Variants in PAXIP1 observed in about 807,000 individuals in gnomAD.
PAXIP1 encodes PAX-interacting protein 1.
In PAXIP1, 19 loss-of-function variants were observed where a neutral mutation model predicts 140.6. The observed-to-expected ratio is 0.14, with a 90% confidence interval of 0.09 to 0.20. The LOEUF (loss-of-function observed/expected upper bound fraction) is 0.20, where lower values mean the gene tolerates loss of function less well. Ranked by LOEUF, PAXIP1 falls within the 10% of genes least tolerant of loss-of-function variation. The pLI is 1.00. For synonymous variants in PAXIP1, 442 were observed against 444.6 expected, an observed-to-expected ratio of 0.99 and a Z score of 0.07; for missense variants, 920 against 1,208.6, an observed-to-expected ratio of 0.76 and a Z score of 3.54.
chr7:154,982,352 A>C lies in PAXIP1; in HGVS notation c.438+867T>G, dbSNP rs115015242. Among the ~76,000 whole-genome samples, 722 of 152,110 alleles carry C rather than the reference A, an allele frequency of 4.7e-3. 8 individuals carry two copies. The highest frequency in any genetic ancestry group is 0.017 in the African/African-American group (695 of 41,520). On this transcript the variant is annotated intron_variant, in intron 5 of 20. Coordinates refer to ENST00000404141, the MANE Select transcript of PAXIP1 (RefSeq NM_007349.4). Reference sequence around the variant, plus strand: ...TCTGGGAAGAGGCTGGACAGACTGCATTTCTTTTTGTTTTTTTGAGACAGA... The same window carrying C: ...TCTGGGAAGAGGCTGGACAGACTGCCTTTCTTTTTGTTTTTTTGAGACAGA...
chr7:154,985,947 G>A (rs1037513279), intron 4 of PAXIP1: 17 of 1,213,138 alleles, frequency 1.4e-5, no homozygotes, highest in Non-Finnish European at 1.9e-5. Flanking sequence ...GGACTTTTTA[G>A]TCTTCTAGAT....
intron 4 of PAXIP1, chr7:154,983,820 G>A: frequency 6.5e-6 from 1 of 153,826 alleles, no homozygotes; most frequent in Non-Finnish European, 1.4e-5. Context: ...AAATATGGTG[G>A]CTTGTAAGTT....
At chr7:154,959,808 T>G (rs1808678850) in intron 13 of PAXIP1, 82 bp downstream of exon 13, 5 of 903,926 alleles carry the variant, frequency 5.5e-6, no homozygotes, top group Non-Finnish European at 9.0e-6. Context: ...TAAAATAATT[T>G]TTAATTTATG....
chr7:154,980,364 T>C (rs888466583), intron 5 of PAXIP1, among the ~76,000 whole-genome samples: 2 of 151,886 alleles, frequency 1.3e-5, no homozygotes, highest in Non-Finnish European at 2.9e-5. Context: ...AGCCGCTATA[T>C]TGATGACTGT....
chr7:154,969,112 A>G lies in PAXIP1; in HGVS notation c.1089T>C (p.Leu363=). The G allele has an allele frequency of 4.1e-6, 6 of 1,467,418 alleles. No individual in the cohort carries two copies. Among genetic ancestry groups the G allele is most frequent in the Non-Finnish European group, 5.4e-6 (6 of 1,106,074 alleles). 90.9% of individuals were successfully genotyped at this position (1,467,418 alleles called of 1,614,324 possible). A position where few individuals can be genotyped will look rare whatever the true frequency, so the allele number is the denominator to read the frequency against. Residue 363 remains leucine, a synonymous_variant, in exon 7 of 21, where the codon CTT becomes CTC. Coordinates refer to ENST00000404141, the MANE Select transcript of PAXIP1 (RefSeq NM_007349.4). ...PSNVAHILQT[L]SAPTKNLEQQ... ...GTTCTAAATTTTTCGTAGGTGCTGA[A>G]AGAGTCTGTAAGATCTACAAAACAA...
At position 154,946,952 on chromosome 7, in the gene PAXIP1, T is replaced by C; in HGVS notation, c.2923-139A>G. On this transcript the variant is annotated intron_variant, in intron 17 of 20. Transcript: ENST00000404141. The surrounding 1 kb of genome is among the most constrained non-coding windows in gnomAD (Gnocchi z 4.9). The stretch of plus-strand genomic sequence containing the variant: ...CATTATGAAGGTACTATTCTCCTAC[T>C]AGCACTCAATCTGAAGTGGAAGAGG... 6.7e-6 allele frequency: 4 copies of C among 594,934 alleles called. No homozygotes were observed. Among genetic ancestry groups the C allele is most frequent in the Non-Finnish European group, 1.2e-5 (4 of 345,664 alleles). 36.9% of individuals were successfully genotyped at this position (594,934 alleles called of 1,614,324 possible).
chr7:154,999,984 C>G (rs1298368370), intron 1 of PAXIP1: 1 of 152,176 alleles, frequency 6.6e-6, no homozygotes, highest in African/African-American at 2.4e-5. Flanking sequence ...GAACAGTCGA[C>G]AGTCAAGTGC....
At chr7:154,984,341 G>A (rs183434711) in intron 4 of PAXIP1, among the ~76,000 whole-genome samples, 4 of 152,256 alleles carry the variant, frequency 2.6e-5, no homozygotes, top group South Asian at 2.1e-4. Context: ...TCATTTAACC[G>A]AGTAAATTTT....
At chr7:155,000,737 AGATTT>A (rs1219589303) in intron 1 of PAXIP1, 1 of 152,232 alleles carries the variant, frequency 6.6e-6, no homozygotes, top group Admixed American at 6.5e-5. Flanking sequence ...GTATCTTAAT[AGATTT>A]ATCTCATATC....
chr7:154,945,725 A>G (rs1218420733), intron 20 of PAXIP1: 6 of 985,314 alleles, frequency 6.1e-6, no homozygotes, highest in Non-Finnish European at 7.2e-6. Flanking sequence ...GAATTTTCCC[A>G]TAAGGACCTG....
intron 17 of PAXIP1, 108 bp downstream of exon 17, chr7:154,947,795 C>T: frequency 2.5e-6 from 2 of 810,448 alleles, no homozygotes; most frequent in South Asian, 2.8e-5. Flanking sequence ...GCAGGGTGAG[C>T]CCAGCTCCCC....
rs1357506644 is a variant in PAXIP1 at position 154,975,854 on chromosome 7, G to A, written c.916C>T (p.Pro306Ser). The A allele has an allele frequency of 1.9e-6, 3 of 1,613,946 alleles. No individual in the cohort carries two copies. The highest frequency in any genetic ancestry group is 1.3e-5 in the African/African-American group (1 of 75,014). ...VPPVPGNILP[P>S]EVRGNLMAAG... ...GCCATTAAATTACCCCGGACCTCAG[G>A]GGGCAAAATGTTACCTGGGACGGGT... The change falls in exon 6 of 21, where the codon CCT (proline) becomes TCT (serine). Residue 306 changes from proline to serine, a missense_variant. By Grantham distance (74) the Pro-to-Ser change is moderately conservative. This residue lies in a region of PAXIP1 where 419 missense variants were observed against 514.7 expected (regional missense o/e 0.81). Coordinates refer to ENST00000404141, the MANE Select transcript of PAXIP1 (RefSeq NM_007349.4).
chr7:154,955,759 A>G, intron 14 of PAXIP1, 128 bp from the exon 15 acceptor site: 1 of 540,880 alleles, frequency 1.8e-6, no homozygotes, highest in Admixed American at 3.8e-5. Flanking sequence ...TTCTTAAAGG[A>G]AAAATACAAT....
chr7:155,000,184 C>G (rs1170456273), intron 1 of PAXIP1: 1 of 152,178 alleles, frequency 6.6e-6, no homozygotes, highest in Non-Finnish European at 1.5e-5. Flanking sequence ...CACCCACAAG[C>G]TAGACAACCT....
chr7:154,969,714 C>T (rs1218385262), intron 6 of PAXIP1, among the ~76,000 whole-genome samples: 2 of 152,202 alleles, frequency 1.3e-5, no homozygotes, highest in East Asian at 1.9e-4. Context: ...AGCAGCATGA[C>T]CCAAGCTGTG....
At chr7:154,994,221 C>A (rs1810474631) in intron 2 of PAXIP1, among the ~76,000 whole-genome samples, 1 of 151,832 alleles carries the variant, frequency 6.6e-6, no homozygotes, top group African/African-American at 2.4e-5. Context: ...TGTTTGTAAG[C>A]CTGAAAATAT....
intron 2 of PAXIP1, among the ~76,000 whole-genome samples, chr7:154,996,926 G>C (rs1340451751): frequency 6.6e-6 from 1 of 152,140 alleles, no homozygotes; most frequent in African/African-American, 2.4e-5. Flanking sequence ...GGATGTGTTA[G>C]AAAGATCACC....
intron 1 of PAXIP1, 58 bp downstream of exon 1, chr7:155,002,791 C>A (rs1049215538): frequency 1.0e-6 from 1 of 985,422 alleles, no homozygotes; most frequent in Non-Finnish European, 1.4e-6. Flanking sequence ...GGGACGGGGA[C>A]GGGGACGGAC....
intron 17 of PAXIP1, 160 bp downstream of exon 17, chr7:154,947,743 C>CA: frequency 1.6e-6 from 1 of 638,134 alleles, no homozygotes; most frequent in Non-Finnish European, 2.9e-6. Flanking sequence ...GGAAGACCTC[C>CA]AGTGGCAATG....
Sources: allele counts gnomAD v4.1 joint callset (sites outside exome capture counted in the v4.1 genomes callset), GRCh38; gene constraint gnomAD v4.1.1; regional missense constraint gnomAD v4.1.1; non-coding constraint Gnocchi (gnomAD v3.1); transcripts MANE v1.5; gene names NCBI Gene and HGNC (gene_info 2026-07-23, HGNC 2026-07-21).